The following FCGR2A variants were observed in gnomAD, a reference collection of about 807,000 sequenced individuals.
FCGR2A encodes Fc gamma receptor IIa.
FCGR2A carries 18 observed loss-of-function variants against 29.3 expected under a neutral mutation model. The ratio of observed to expected loss-of-function variants is 0.62; its 90% CI spans 0.43 to 0.91. FCGR2A has a LOEUF of 0.91. Ranked by LOEUF, FCGR2A falls within the 40% of genes least tolerant of loss-of-function variation. The pLI, the probability that FCGR2A is intolerant of heterozygous loss-of-function variation, is 0.00. For synonymous variants in FCGR2A, 126 were observed against 144.8 expected, an observed-to-expected ratio of 0.87 and a Z score of 0.93; for missense variants, 287 against 393.0, an observed-to-expected ratio of 0.73 and a Z score of 2.28.
chr1:161,510,748 G>A (rs1571969177), intron 4 of FCGR2A, 86 bp from the exon 5 acceptor site: 1 of 1,530,406 alleles, frequency 6.5e-7, no homozygotes, highest in Non-Finnish European at 8.9e-7. Flanking sequence ...ACATAGCATT[G>A]GAGGTGGGAG....
At chr1:161,512,301 G>A (rs1303873679) in intron 5 of FCGR2A, among the ~76,000 whole-genome samples, 1 of 148,020 alleles carries the variant, frequency 6.8e-6, no homozygotes, top group Non-Finnish European at 1.5e-5. Flanking sequence ...GCCAGGCTCA[G>A]CTGTCTGTGG....
At chr1:161,515,667 C>A (rs994686107) in intron 6 of FCGR2A, among the ~76,000 whole-genome samples, 5 of 151,984 alleles carry the variant, frequency 3.3e-5, no homozygotes, top group Admixed American at 2.6e-4. Context: ...AACAAACTGG[C>A]AAATGAAAAA....
downstream of FCGR2A, among the ~76,000 whole-genome samples, chr1:161,522,572 C>A (rs1676496123): frequency 6.6e-6 from 1 of 152,062 alleles, no homozygotes; most frequent in Admixed American, 6.6e-5. Flanking sequence ...AGGTGAAGAC[C>A]CGTCTCTTGC....
chr1:161,506,303 A>T, intron 2 of FCGR2A, 31 bp from the exon 3 acceptor site: 1 of 1,612,916 alleles, frequency 6.2e-7, no homozygotes, highest in Non-Finnish European at 8.5e-7. Flanking sequence ...AGGGTTATTT[A>T]TTCCACACCC....
At chr1:161,523,867 C>G (rs897654356), downstream of FCGR2A, 8 of 151,952 alleles carry the variant, frequency 5.3e-5, no homozygotes, top group Non-Finnish European at 1.2e-4. Context: ...GGGAATCGAA[C>G]CCGGGCCTCC....
Position 161,509,952 on chromosome 1 carries a change from C to T in FCGR2A, c.497C>T (p.Ser166Phe), listed in dbSNP as rs1675655979. The change falls in exon 4 of 7, where the codon TCC (serine) becomes TTC (phenylalanine). Residue 166 changes from serine to phenylalanine, a missense_variant. This residue lies in a region of FCGR2A where 181 missense variants were observed against 250.9 expected (regional missense o/e 0.72). Coordinates refer to ENST00000271450, the MANE Select transcript of FCGR2A (RefSeq NM_001136219.3). ...FFQNGKSQKF[S>F]HLDPTFSIPQ... Reference sequence around the variant, plus strand: ...CAGAATGGAAAATCCCAGAAATTCTCCCATTTGGATCCCACCTTCTCCATC... The same window carrying T: ...CAGAATGGAAAATCCCAGAAATTCTTCCATTTGGATCCCACCTTCTCCATC... 5 of 1,614,026 alleles carry T rather than the reference C, an allele frequency of 3.1e-6. No homozygotes were observed. The highest frequency in any genetic ancestry group is 1.3e-5 in the African/African-American group (1 of 75,024).
chr1:161,506,666 C>A, intron 3 of FCGR2A, 75 bp downstream of exon 3: 1 of 1,595,664 alleles, frequency 6.3e-7, no homozygotes, highest in Non-Finnish European at 8.6e-7. Flanking sequence ...CAGAGGTTTG[C>A]AGGAAAGAGT....
chr1:161,521,689 G>C (rs548753858), downstream of FCGR2A, among the ~76,000 whole-genome samples: 1 of 151,916 alleles, frequency 6.6e-6, no homozygotes, highest in Non-Finnish European at 1.5e-5. Flanking sequence ...CATGAGATCT[G>C]ATGGTTTTAA....
chr1:161,523,367 T>G (rs1037114313), downstream of FCGR2A: 1 of 152,120 alleles, frequency 6.6e-6, no homozygotes, highest in East Asian at 1.9e-4. Context: ...ATTCACAAAG[T>G]CACAACCTGA....
At chr1:161,512,716 G>T (rs1675884141) in intron 5 of FCGR2A, among the ~76,000 whole-genome samples, 1 of 152,118 alleles carries the variant, frequency 6.6e-6, no homozygotes, top group Admixed American at 6.6e-5. Context: ...ACCTCAGATG[G>T]CTGGAGTATG....
rs1411118805 is a variant in FCGR2A at position 161,518,621 on chromosome 1, T to TTC, written c.*474_*475insCT. On this transcript the variant is annotated 3_prime_UTR_variant, in exon 7 of 7. Transcript: ENST00000271450. ...CCTCAGATTTTTCCTTTAACATCTTTTTTTTTTTTGACAGAGTCTCAATCT... is the reference window on the plus strand; with the variant it reads ...CCTCAGATTTTTCCTTTAACATCTTTTCTTTTTTTTTGACAGAGTCTCAATCT... The TTC allele has an allele frequency of 5.9e-6, 1 of 169,614 alleles. No individual in the cohort carries two copies. Among genetic ancestry groups the TTC allele is most frequent in the African/African-American group, 2.5e-5 (1 of 40,532 alleles). The allele number at this position is 169,614 out of a possible 1,614,324, so 10.5% of individuals were successfully genotyped here. A position where few individuals can be genotyped will look rare whatever the true frequency, so the allele number is the denominator to read the frequency against.
chr1:161,523,631 C>CA (rs1014878748), downstream of FCGR2A: 3 of 152,162 alleles, frequency 2.0e-5, no homozygotes, highest in African/African-American at 7.2e-5. Context: ...CCTCCTTTCC[C>CA]AGGTGTTGCG....
intron 5 of FCGR2A, among the ~76,000 whole-genome samples, chr1:161,511,392 C>T (rs1425613382): frequency 6.6e-6 from 1 of 152,178 alleles, no homozygotes; most frequent in Non-Finnish European, 1.5e-5. Flanking sequence ...CCTCACAAAG[C>T]ACTTTGCAAT....
intron 5 of FCGR2A, among the ~76,000 whole-genome samples, chr1:161,511,547 T>C (rs2102472001): frequency 6.6e-6 from 1 of 152,274 alleles, no homozygotes; most frequent in Admixed American, 6.5e-5. Context: ...TTTCTGACAC[T>C]CCTGGGCGTC....
intron 2 of FCGR2A, 68 bp from the exon 3 acceptor site, chr1:161,506,266 A>T: frequency 6.3e-7 from 1 of 1,589,002 alleles, no homozygotes; most frequent in South Asian, 1.1e-5. Context: ...CTCCCTTGGG[A>T]GCTCCTTTGG....
intron 6 of FCGR2A, among the ~76,000 whole-genome samples, chr1:161,517,306 A>G (rs1239178852): frequency 2.0e-5 from 3 of 152,126 alleles, no homozygotes; most frequent in Non-Finnish European, 2.9e-5. Flanking sequence ...GAAATGGTTG[A>G]AGATCTCAGC....
At chr1:161,516,534 C>G (rs1210320742) in intron 6 of FCGR2A, among the ~76,000 whole-genome samples, 1 of 151,886 alleles carries the variant, frequency 6.6e-6, no homozygotes, top group Non-Finnish European at 1.5e-5. Context: ...TCTTGGATAT[C>G]ACCAAAGCTG....
downstream of FCGR2A, among the ~76,000 whole-genome samples, chr1:161,520,680 C>G (rs387693): frequency 0.57 from 84,581 of 148,484 alleles, 24,262 homozygotes; most frequent in African/African-American, 0.63. Flanking sequence ...TTGGATTACT[C>G]CAATAGCCTC....
intron 4 of FCGR2A, chr1:161,510,424 G>A: frequency 4.0e-6 from 2 of 505,720 alleles, no homozygotes; most frequent in South Asian, 4.1e-5. Context: ...CATGGCTCAT[G>A]TTATAGCCAT....
Sources: allele counts gnomAD v4.1 joint callset (sites outside exome capture counted in the v4.1 genomes callset), GRCh38; gene constraint gnomAD v4.1.1; regional missense constraint gnomAD v4.1.1; transcripts MANE v1.5; gene names NCBI Gene and HGNC (gene_info 2026-07-23, HGNC 2026-07-21).